The following SPINT1 variants were observed in gnomAD, a reference collection of about 807,000 sequenced individuals.
SPINT1 encodes the protein serine peptidase inhibitor, Kunitz type 1, also known as kunitz-type protease inhibitor 1.
SPINT1 carries 38 observed loss-of-function variants against 53.7 expected under a neutral mutation model. The ratio of observed to expected loss-of-function variants is 0.71; its 90% CI spans 0.55 to 0.93. The LOEUF is 0.93. Ranked by LOEUF, SPINT1 falls within the 40% of genes least tolerant of loss-of-function variation. The pLI, the probability that SPINT1 is intolerant of heterozygous loss-of-function variation, is 0.00. For missense variants in SPINT1, 645 were observed against 692.9 expected (o/e 0.93, Z 0.78); for synonymous variants, 283 against 280.6 (o/e 1.01, Z -0.08).
Position 40,845,034 on chromosome 15 carries a change from G to C in SPINT1, c.475+5G>C, listed in dbSNP as rs202049185. Reference sequence around the variant, plus strand: ...TGCGGACCCAGGGCTTTGGAGGTGAGGAGGGTGCCAAGATGGATGGGTTTG... The same window carrying C: ...TGCGGACCCAGGGCTTTGGAGGTGACGAGGGTGCCAAGATGGATGGGTTTG... On this transcript the variant is annotated splice_donor_5th_base_variant and intron_variant, in intron 2 of 10. Coordinates refer to ENST00000562057, the MANE Select transcript of SPINT1 (RefSeq NM_003710.4). The C allele has an allele frequency of 1.3e-6, 2 of 1,597,564 alleles. No homozygotes were observed.
chr15:40,851,855 T>C (rs1469295680), intron 2 of SPINT1, among the ~76,000 whole-genome samples: 1 of 152,114 alleles, frequency 6.6e-6, no homozygotes, highest in Non-Finnish European at 1.5e-5. Context: ...ACCCCATCTC[T>C]ACTAAAAATA....
intron 2 of SPINT1, among the ~76,000 whole-genome samples, chr15:40,847,619 C>T (rs1891334733): frequency 6.6e-6 from 1 of 152,136 alleles, no homozygotes; most frequent in African/African-American, 2.4e-5. Context: ...GTCCTGAGAC[C>T]TGGTAACTAA....
Position 40,856,841 on chromosome 15 carries a change from T to C in SPINT1, c.1408T>C (p.Cys470Arg), listed in dbSNP as rs1891658529. Reference sequence around the variant, plus strand: ...GGTGGTGGTAGCCATCTTGGGTTACTGCTTCTTCAAGAACCAGAGAAAGGA... The same window carrying C: ...GGTGGTGGTAGCCATCTTGGGTTACCGCTTCTTCAAGAACCAGAGAAAGGA... ...IVVVVAILGY[C>R]FFKNQRKDFH... Residue 470 changes from cysteine to arginine, a missense_variant, in exon 11 of 11, where the codon TGC becomes CGC. Coordinates refer to ENST00000562057, the MANE Select transcript of SPINT1 (RefSeq NM_003710.4). 9 of 1,614,068 alleles carry C rather than the reference T, an allele frequency of 5.6e-6. No individual in the cohort carries two copies. The highest frequency in any genetic ancestry group is 7.6e-6 in the Non-Finnish European group (9 of 1,180,038).
Position 40,856,842 on chromosome 15 carries a change from G to C in SPINT1, c.1409G>C (p.Cys470Ser). ...IVVVVAILGY[C>S]FFKNQRKDFH... ...GTGGTGGTAGCCATCTTGGGTTACTGCTTCTTCAAGAACCAGAGAAAGGAC... is the reference window on the plus strand; with the variant it reads ...GTGGTGGTAGCCATCTTGGGTTACTCCTTCTTCAAGAACCAGAGAAAGGAC... Residue 470 changes from cysteine (C) to serine (S), a missense_variant, in exon 11 of 11, where the codon TGC (cysteine) becomes TCC (serine). Cys to Ser is a moderately radical substitution (Grantham distance 112). Transcript: ENST00000562057. 6.2e-7 allele frequency: 1 copy of C among 1,614,136 alleles called. No homozygotes were observed. Among genetic ancestry groups the C allele is most frequent in the Non-Finnish European group, 8.5e-7 (1 of 1,180,020 alleles).
intron 3 of SPINT1, 26 bp downstream of exon 3, chr15:40,853,277 C>T: frequency 6.2e-7 from 1 of 1,613,514 alleles, no homozygotes; most frequent in Non-Finnish European, 8.5e-7. Context: ...GACTCTGACC[C>T]CGCCCTCTGC....
chr15:40,849,112 G>A (rs1891382485), intron 2 of SPINT1, among the ~76,000 whole-genome samples: 1 of 151,982 alleles, frequency 6.6e-6, no homozygotes, highest in Non-Finnish European at 1.5e-5. Flanking sequence ...CGGGTGTGGT[G>A]GTGGGCACCT....
intron 2 of SPINT1, among the ~76,000 whole-genome samples, chr15:40,849,114 T>C (rs559116733): frequency 1.3e-3 from 199 of 151,822 alleles, no homozygotes; most frequent in Non-Finnish European, 1.9e-3. Context: ...GGTGTGGTGG[T>C]GGGCACCTGT....
intron 2 of SPINT1, among the ~76,000 whole-genome samples, chr15:40,850,749 C>T (rs1891431211): frequency 6.6e-6 from 1 of 152,214 alleles, no homozygotes; most frequent in Admixed American, 6.5e-5. Flanking sequence ...ATTTGGGCCA[C>T]TCCTGTTGCA....
chr15:40,844,673 C>T lies in SPINT1; in HGVS notation c.119C>T (p.Ala40Val), dbSNP rs971251491. The T allele has an allele frequency of 6.2e-6, 10 of 1,605,394 alleles. No individual in the cohort carries two copies. The highest frequency in any genetic ancestry group is 1.1e-5 in the South Asian group (1 of 90,412). The change falls in exon 2 of 11, where the codon GCG (alanine) becomes GTG (valine). Residue 40 changes from alanine to valine, a missense_variant. Transcript: ENST00000562057. This position sits in a 1 kb window ranked among gnomAD's most constrained non-coding sequence, Gnocchi z 5.8. ...GGCACCCAGGCCGGGCCACCGCCCG[C>T]GCCCCCTGGGCTGCCCGCGGGAGCC... Reference protein sequence around the residue: ...LQGTQAGPPPAPPGLPAGADC... With the variant: ...LQGTQAGPPPVPPGLPAGADC...
chr15:40,845,047 A>C lies in SPINT1; in HGVS notation c.475+18A>C. 6.3e-7 allele frequency: 1 copy of C among 1,585,850 alleles called. No homozygotes were observed. Among genetic ancestry groups the C allele is most frequent in the Non-Finnish European group, 8.6e-7 (1 of 1,165,846 alleles). On this transcript the variant is annotated intron_variant, in intron 2 of 10. Transcript: ENST00000562057. Reference sequence around the variant, plus strand: ...CTTTGGAGGTGAGGAGGGTGCCAAGATGGATGGGTTTGGAGAGACTCAAAA... The same window carrying C: ...CTTTGGAGGTGAGGAGGGTGCCAAGCTGGATGGGTTTGGAGAGACTCAAAA...
intron 2 of SPINT1, among the ~76,000 whole-genome samples, chr15:40,846,667 G>GC (rs995365232): frequency 1.3e-5 from 2 of 152,188 alleles, no homozygotes; most frequent in African/African-American, 4.8e-5. Flanking sequence ...CCAGAACTGG[G>GC]CTGGGGCCAC....
chr15:40,855,541 G>A (rs905818635), intron 8 of SPINT1, among the ~76,000 whole-genome samples: 1 of 152,164 alleles, frequency 6.6e-6, no homozygotes, highest in Non-Finnish European at 1.5e-5. Context: ...GGATCGCTTG[G>A]CCTAGGAATT....
chr15:40,855,809 T>C (rs1596155108), intron 8 of SPINT1, 83 bp from the exon 9 acceptor site: 2 of 1,485,158 alleles, frequency 1.3e-6, no homozygotes, highest in Non-Finnish European at 1.8e-6. Context: ...GGGGAGGTGC[T>C]GGGCAGCAGC....
At chr15:40,855,453 C>G (rs1427082262) in intron 8 of SPINT1, among the ~76,000 whole-genome samples, 1 of 148,936 alleles carries the variant, frequency 6.7e-6, no homozygotes, top group East Asian at 2.1e-4. Context: ...GGCCCATCCT[C>G]TTTTTTAAGA....
Position 40,845,075 on chromosome 15 carries a change from G to A in SPINT1, c.475+46G>A, listed in dbSNP as rs767343780. 7 of 1,503,688 alleles carry A rather than the reference G, an allele frequency of 4.7e-6. No homozygotes were observed. In the African/African-American group the frequency reaches 9.7e-5, roughly 21 times the overall value. The allele number at this position is 1,503,688 out of a possible 1,614,324, so 93.1% of individuals were successfully genotyped here. ...GATGGGTTTGGAGAGACTCAAAAAA[G>A]GGACTGGTTATGGGGTCCTAGGGGA... On this transcript the variant is annotated intron_variant, in intron 2 of 10. Coordinates refer to ENST00000562057, the MANE Select transcript of SPINT1 (RefSeq NM_003710.4).
chr15:40,854,748 A>G (rs1891584173), intron 8 of SPINT1, 59 bp downstream of exon 8: 3 of 1,604,986 alleles, frequency 1.9e-6, no homozygotes, highest in South Asian at 2.2e-5. Flanking sequence ...CATCCTCACT[A>G]TTTCCATCCA....
chr15:40,856,195 G>A, intron 9 of SPINT1, 81 bp from the exon 10 acceptor site: 1 of 1,600,560 alleles, frequency 6.2e-7, no homozygotes, highest in South Asian at 1.1e-5. Flanking sequence ...GAGGATGCCA[G>A]TGTGAGGTCT....
In SPINT1 at chr15:40,854,103, T is replaced by TCCCCATC. The variant is rs748571457; in HGVS notation, c.940+28_940+34dup. 2.6e-6 allele frequency: 4 copies of TCCCCATC among 1,529,592 alleles called. No homozygotes were observed. Among genetic ancestry groups the TCCCCATC allele is most frequent in the African/African-American group, 1.4e-5 (1 of 71,350 alleles). The allele number at this position is 1,529,592 out of a possible 1,614,324, so 94.8% of individuals were successfully genotyped here. On this transcript the variant is annotated intron_variant, in intron 6 of 10. Transcript: ENST00000562057. ...GCCATCCAGGTGGGCTTTACTCCCC[T>TCCCCATC]CCCCATCCCCCATCCCCACCACATC...
intron 2 of SPINT1, among the ~76,000 whole-genome samples, chr15:40,850,546 G>A (rs941534759): frequency 3.3e-5 from 5 of 152,134 alleles, no homozygotes; most frequent in Non-Finnish European, 5.9e-5. Context: ...CTGCTGGTTC[G>A]GGTGGCCTGC....
Sources: gnomAD v4.1 joint callset for allele counts (sites outside exome capture counted in the v4.1 genomes callset) on GRCh38, gnomAD v4.1.1 for gene constraint, Gnocchi (gnomAD v3.1) non-coding constraint, MANE v1.5 for transcripts, NCBI Gene and HGNC (gene_info 2026-07-23, HGNC 2026-07-21) for gene names.